Variants in STK3 observed in about 807,000 individuals in gnomAD.
The protein encoded by STK3 is serine/threonine kinase 3.
A neutral mutation model predicts 58.0 loss-of-function variants in STK3; 41 were observed. The observed-to-expected ratio is 0.71, with a 90% CI of 0.55 to 0.92. STK3 has a LOEUF of 0.92. STK3 is among the 40% of genes least tolerant of loss of function. STK3 has a pLI of 0.00. For missense variants in STK3, 479 were observed against 602.7 expected (o/e 0.79, Z 2.15); for synonymous variants, 170 against 191.0 (o/e 0.89, Z 0.91).
the STK3 span, among the ~76,000 whole-genome samples, chr8:98,355,076 C>T: frequency 6.6e-6 from 1 of 152,232 alleles, no homozygotes; most frequent in African/African-American, 2.4e-5. Context: ...CCACCGCAAC[C>T]TGCCAAGAGT....
intron 10 of STK3, among the ~76,000 whole-genome samples, chr8:98,517,234 T>C (rs1284125755): frequency 6.6e-6 from 1 of 152,086 alleles, no homozygotes; most frequent in African/African-American, 2.4e-5. Context: ...TTTCAACAAC[T>C]GATGAACACA....
chr8:98,868,047 G>T (rs1207313108), intron 3 of STK3, among the ~76,000 whole-genome samples: 2 of 152,158 alleles, frequency 1.3e-5, no homozygotes, highest in East Asian at 3.8e-4. Context: ...GATGTTCCAT[G>T]GATCTGAATA....
chr8:98,360,212 A>C, the STK3 span, among the ~76,000 whole-genome samples: 2 of 152,260 alleles, frequency 1.3e-5, no homozygotes, highest in East Asian at 3.9e-4. Flanking sequence ...AGAAATTATT[A>C]CATTAGAAAA....
chr8:98,630,228 C>T (rs1819078015), intron 6 of STK3, among the ~76,000 whole-genome samples: 1 of 152,188 alleles, frequency 6.6e-6, no homozygotes, highest in African/African-American at 2.4e-5. Context: ...TGGCAGTTGT[C>T]TCCTGACGTG....
intron 6 of STK3, among the ~76,000 whole-genome samples, chr8:98,700,692 C>T (rs1294230830): frequency 1.3e-5 from 2 of 152,096 alleles, no homozygotes; most frequent in Non-Finnish European, 2.9e-5. Context: ...TATAAACATT[C>T]AGTATTGCAT....
chr8:98,481,616 A>G (rs1333757360), intron 10 of STK3, among the ~76,000 whole-genome samples: 2 of 151,794 alleles, frequency 1.3e-5, no homozygotes, highest in Non-Finnish European at 2.9e-5. Context: ...TGAAAAAATC[A>G]CCTACTGGGT....
chr8:98,443,904 C>A (rs1430378234), intron 1 of STK3, among the ~76,000 whole-genome samples: 2 of 152,178 alleles, frequency 1.3e-5, no homozygotes, highest in African/African-American at 4.8e-5. Flanking sequence ...GGCGACAGAG[C>A]AAGACTATGT....
chr8:98,630,691 A>AGAAGGAGG (rs1819131663), intron 6 of STK3, among the ~76,000 whole-genome samples: 1 of 146,454 alleles, frequency 6.8e-6, no homozygotes, highest in African/African-American at 2.6e-5. Flanking sequence ...GGAGAAGGAG[A>AGAAGGAGG]AGAAGGAGGA....
At chr8:98,924,075 G>T (rs1315532827) in intron 1 of STK3, among the ~76,000 whole-genome samples, 1 of 152,164 alleles carries the variant, frequency 6.6e-6, no homozygotes, top group East Asian at 1.9e-4. Context: ...ATGGAGGTTT[G>T]CAGGTTCAGA....
chr8:98,903,488 T>A (rs28686933), intron 1 of STK3, among the ~76,000 whole-genome samples: 1 of 19,174 alleles, frequency 5.2e-5, no homozygotes, highest in African/African-American at 1.7e-4. Flanking sequence ...ATTTAGGAAG[T>A]TCTTCTTCTT....
the STK3 span, among the ~76,000 whole-genome samples, chr8:98,363,976 G>A: frequency 2.0e-5 from 3 of 152,190 alleles, no homozygotes; most frequent in Admixed American, 2.0e-4. Context: ...GGCCTGAGCT[G>A]TTGCCCAGCG....
chr8:98,857,045 G>T (rs1836711035), intron 3 of STK3, among the ~76,000 whole-genome samples: 1 of 152,146 alleles, frequency 6.6e-6, no homozygotes, highest in South Asian at 2.1e-4. Context: ...GTTGCTTAGG[G>T]CAGGGGAGGA....
chr8:98,391,293 G>C (rs754544138), upstream of STK3: 1 of 152,268 alleles, frequency 6.6e-6, no homozygotes, highest in African/African-American at 2.4e-5. Context: ...AGTCTTTGCA[G>C]TGCCATTCAG....
At chr8:98,381,242 A>T (rs529195844) in intron 1 of STK3, among the ~76,000 whole-genome samples, 1 of 152,170 alleles carries the variant, frequency 6.6e-6, no homozygotes, top group Non-Finnish European at 1.5e-5. Context: ...AAGTGCTGGG[A>T]TTACAGGTGT....
intron 6 of STK3, among the ~76,000 whole-genome samples, chr8:98,643,081 T>C (rs1399003132): frequency 1.3e-5 from 2 of 152,012 alleles, no homozygotes; most frequent in Non-Finnish European, 2.9e-5. Context: ...AAAAATTAGC[T>C]GGGTGTGGTG....
At chr8:98,501,097 C>T (rs965946341) in intron 10 of STK3, among the ~76,000 whole-genome samples, 3 of 152,114 alleles carry the variant, frequency 2.0e-5, no homozygotes, top group Admixed American at 2.0e-4. Context: ...TTAATGATCG[C>T]CATTCTAACC....
At chr8:98,923,850 TGTGTGCGCGCGCGC>T (rs1234659139) in intron 1 of STK3, among the ~76,000 whole-genome samples, 33 of 121,644 alleles carry the variant, frequency 2.7e-4, no homozygotes, top group Admixed American at 7.4e-4. Flanking sequence ...TGTGTGTGTG[TGTGTGCGCGCGCGC>T]GCGCGCGCGC....
chr8:98,592,688 C>T lies in STK3; in HGVS notation c.822+3344G>A, dbSNP rs569238355. ...TGTTGTAAGTACCTCTGTTTTCCAA[C>T]TTGATAAAAAGGGAAGAGATCATGG... On this transcript the variant is annotated intron_variant, in intron 7 of 10. Transcript: ENST00000419617. Among the ~76,000 whole-genome samples the T allele has an allele frequency of 1.4e-4, 21 of 152,024 alleles. No individual in the cohort carries two copies. In the East Asian group the frequency reaches 4.0e-3, roughly 29 times the overall value.
At chr8:98,623,369 G>A (rs1014612348) in intron 6 of STK3, among the ~76,000 whole-genome samples, 3 of 152,124 alleles carry the variant, frequency 2.0e-5, no homozygotes, top group Non-Finnish European at 4.4e-5. Flanking sequence ...TACTGTATTT[G>A]CAGATTGGGC....
Sources: gnomAD v4.1 joint callset for allele counts (sites outside exome capture counted in the v4.1 genomes callset) on GRCh38, gnomAD v4.1.1 for gene constraint, MANE v1.5 for transcripts, NCBI Gene and HGNC (gene_info 2026-07-23, HGNC 2026-07-21) for gene names.